The following CTTNBP2 variants were observed in gnomAD, a reference collection of about 807,000 sequenced individuals.
CTTNBP2 encodes cortactin binding protein 2.
In CTTNBP2, 108 loss-of-function variants were observed where a neutral mutation model predicts 156.9. The ratio of observed to expected loss-of-function variants is 0.69; its 90% CI spans 0.59 to 0.81. CTTNBP2 has a LOEUF of 0.81. Ranked by LOEUF, CTTNBP2 falls within the 30% of genes least tolerant of loss-of-function variation. The pLI, the probability that CTTNBP2 is intolerant of heterozygous loss-of-function variation, is 0.00. For synonymous variants in CTTNBP2, 767 were observed against 751.8 expected, an observed-to-expected ratio of 1.02 and a Z score of -0.33; for missense variants, 1,924 against 2,035.4, an observed-to-expected ratio of 0.95 and a Z score of 1.05.
intron 12 of CTTNBP2, among the ~76,000 whole-genome samples, chr7:117,747,415 G>C (rs1371420468): frequency 6.6e-6 from 1 of 152,168 alleles, no homozygotes; most frequent in East Asian, 1.9e-4. Flanking sequence ...TAAAAGGAAG[G>C]CTTGAAGAAA....
At chr7:117,778,922 T>TA (rs1038285953) in intron 7 of CTTNBP2, among the ~76,000 whole-genome samples, 1 of 152,316 alleles carries the variant, frequency 6.6e-6, no homozygotes, top group East Asian at 1.9e-4. Flanking sequence ...CAGTACACTT[T>TA]AAAAAATAAT....
chr7:117,868,031 C>T (rs950846394), intron 1 of CTTNBP2, among the ~76,000 whole-genome samples: 1 of 152,160 alleles, frequency 6.6e-6, no homozygotes, highest in African/African-American at 2.4e-5. Context: ...CCTCCCTTTT[C>T]CTCCTTTCAG....
At chr7:117,800,281 T>C (rs945925166) in intron 3 of CTTNBP2, among the ~76,000 whole-genome samples, 2 of 152,094 alleles carry the variant, frequency 1.3e-5, no homozygotes, top group African/African-American at 2.4e-5. Context: ...AAAATTCTAA[T>C]ATAGGTAAGA....
chr7:117,718,376 A>G (rs897473075), intron 21 of CTTNBP2, among the ~76,000 whole-genome samples: 2 of 152,004 alleles, frequency 1.3e-5, no homozygotes, highest in African/African-American at 4.8e-5. Flanking sequence ...CTCTCTAGGG[A>G]AAAAAAAGGC....
intron 2 of CTTNBP2, among the ~76,000 whole-genome samples, chr7:117,859,085 T>A (rs1803530573): frequency 6.6e-6 from 1 of 152,230 alleles, no homozygotes; most frequent in Admixed American, 6.5e-5. Flanking sequence ...TTTCCTGGTA[T>A]CTTTGTATTG....
intron 5 of CTTNBP2, among the ~76,000 whole-genome samples, chr7:117,783,218 T>C (rs953335099): frequency 1.3e-4 from 20 of 152,260 alleles, no homozygotes; most frequent in African/African-American, 4.6e-4. Flanking sequence ...CATGCGTGTG[T>C]GCATTTTGGG....
chr7:117,767,000 T>C (rs1169762370), intron 9 of CTTNBP2, 59 bp downstream of exon 9: 4 of 959,592 alleles, frequency 4.2e-6, no homozygotes, highest in Non-Finnish European at 6.8e-6. Flanking sequence ...TTTCCCATTG[T>C]ACCAGAGGCC....
chr7:117,751,667 G>C (rs2116596067), intron 12 of CTTNBP2, among the ~76,000 whole-genome samples: 1 of 152,256 alleles, frequency 6.6e-6, no homozygotes, highest in East Asian at 1.9e-4. Context: ...AAGAGTAATA[G>C]GAATTTAAGA....
At chr7:117,811,866 TTTAA>T (rs1266804532) in intron 2 of CTTNBP2, among the ~76,000 whole-genome samples, 6 of 132,084 alleles carry the variant, frequency 4.5e-5, no homozygotes, top group Non-Finnish European at 8.0e-5. Flanking sequence ...ATGTAAAAAT[TTTAA>T]TTAAATTAAA....
At chr7:117,777,489 G>A (rs1350551010) in intron 8 of CTTNBP2, 22 bp downstream of exon 8, 2 of 1,606,124 alleles carry the variant, frequency 1.2e-6, no homozygotes, top group East Asian at 2.2e-5. Flanking sequence ...TGCATGATGA[G>A]GCCAGCTGCT....
At chr7:117,753,141 C>T (rs139144035) in intron 12 of CTTNBP2, among the ~76,000 whole-genome samples, 350 of 152,096 alleles carry the variant, frequency 2.3e-3, no homozygotes, top group African/African-American at 8.1e-3. Flanking sequence ...ATGTGGCCAA[C>T]ACATGAAAAA....
intron 14 of CTTNBP2, among the ~76,000 whole-genome samples, chr7:117,743,990 C>T (rs1418266205): frequency 1.3e-5 from 2 of 151,760 alleles, no homozygotes; most frequent in South Asian, 2.1e-4. Flanking sequence ...TCAGTGCTTC[C>T]CTAAACCTGC....
At chr7:117,783,744 A>G (rs1798554177) in intron 5 of CTTNBP2, among the ~76,000 whole-genome samples, 1 of 152,148 alleles carries the variant, frequency 6.6e-6, no homozygotes, top group African/African-American at 2.4e-5. Flanking sequence ...ATGTTTTGGT[A>G]TATTTGACTA....
rs766038165 is a variant in CTTNBP2 at position 117,735,340 on chromosome 7, G to A, written c.3617C>T (p.Ser1206Leu). ...ILENLEKSSL[S>L]ELLRDFLAPL... Reference sequence around the variant, plus strand: ...TGCCAAAAAGTCCCTCAATAACTCCGACAGTGAAGATTTTTCTAAATTTTC... The same window carrying A: ...TGCCAAAAAGTCCCTCAATAACTCCAACAGTGAAGATTTTTCTAAATTTTC... The change falls in exon 15 of 23, where the codon TCG becomes TTG. Residue 1206 changes from serine to leucine, a missense_variant. By Grantham distance (145) the Ser-to-Leu change is moderately radical. Transcript: ENST00000160373. 21 of 1,613,500 alleles carry A rather than the reference G, an allele frequency of 1.3e-5. No homozygotes were observed. Among genetic ancestry groups the A allele is most frequent in the African/African-American group, 5.3e-5 (4 of 74,912 alleles).
At chr7:117,826,614 C>T (rs1260975999) in intron 2 of CTTNBP2, among the ~76,000 whole-genome samples, 1 of 151,894 alleles carries the variant, frequency 6.6e-6, no homozygotes, top group Non-Finnish European at 1.5e-5. Context: ...TTTTCTCAAG[C>T]TTCTAAATCC....
rs117758473 is a variant in CTTNBP2 at position 117,775,946 on chromosome 7, T to C, written c.2778+1565A>G. On this transcript the variant is annotated intron_variant, in intron 8 of 22. Transcript: ENST00000160373. ...TAACAAACAATACCTCCAGACTGAA[T>C]TGAATCATGCCCTTTTCTCATTTTG... Among the ~76,000 whole-genome samples the C allele has an allele frequency of 4.0e-3, 608 of 152,278 alleles. 6 individuals are homozygous for C. Among genetic ancestry groups the C allele is most frequent in the African/African-American group, 0.014 (568 of 41,566 alleles).
chr7:117,837,158 C>CGTT (rs1478205226), intron 2 of CTTNBP2, among the ~76,000 whole-genome samples: 1 of 152,198 alleles, frequency 6.6e-6, no homozygotes, highest in African/African-American at 2.4e-5. Context: ...AAAAGCTAGA[C>CGTT]TTAGTCCTGT....
chr7:117,864,798 TATATTCATATATATTCATTCA>T (rs1804041740), intron 1 of CTTNBP2, among the ~76,000 whole-genome samples: 2 of 72,404 alleles, frequency 2.8e-5, no homozygotes, highest in South Asian at 1.0e-3. Flanking sequence ...ATATTCATTC[TATATTCATATATATTCATTCA>T]ATATATATTC....
chr7:117,758,118 A>G, intron 10 of CTTNBP2, 148 bp from the exon 11 acceptor site: 1 of 594,630 alleles, frequency 1.7e-6, no homozygotes, highest in Non-Finnish European at 2.9e-6. Context: ...ATAGGGCCAC[A>G]CAAGGGGTTA....
Sources: allele counts gnomAD v4.1 joint callset (sites outside exome capture counted in the v4.1 genomes callset), GRCh38; gene constraint gnomAD v4.1.1; transcripts MANE v1.5; gene names NCBI Gene and HGNC (gene_info 2026-07-23, HGNC 2026-07-21).